Variants in CSMD1 observed in about 807,000 individuals in gnomAD.
The protein encoded by CSMD1 is CUB and sushi domain-containing protein 1.
Under a neutral mutation model 417.5 loss-of-function variants are expected in CSMD1, and 213 were observed. The ratio of observed to expected loss-of-function variants is 0.51; its 90% confidence interval spans 0.46 to 0.57. The LOEUF (loss-of-function observed/expected upper bound fraction) is 0.57. Ranked by LOEUF, CSMD1 falls within the 20% of genes least tolerant of loss-of-function variation. The pLI is 0.00. For synonymous variants in CSMD1, 2,862 were observed against 1,736.8 expected (o/e 1.65, Z -16.11); for missense variants, 6,923 against 4,529.7 (o/e 1.53, Z -15.17).
intron 12 of CSMD1, among the ~76,000 whole-genome samples, chr8:3,462,122 G>GCC (rs11292179): frequency 4.5e-4 from 67 of 149,506 alleles, no homozygotes; most frequent in Admixed American, 8.7e-4. Flanking sequence ...CAGAATCCAG[G>GCC]CCCCCCCCCC....
chr8:4,406,907 G>C (rs1192377340), intron 3 of CSMD1, among the ~76,000 whole-genome samples: 1 of 152,170 alleles, frequency 6.6e-6, no homozygotes, highest in African/African-American at 2.4e-5. Flanking sequence ...TGTGCATTGA[G>C]AAAGTGGGTT....
At chr8:3,147,657 T>C (rs1194093652) in intron 40 of CSMD1, among the ~76,000 whole-genome samples, 18 of 152,202 alleles carry the variant, frequency 1.2e-4, no homozygotes, top group Non-Finnish European at 2.2e-4. Flanking sequence ...TGTTACTTAG[T>C]GTTGCAAGTT....
chr8:4,202,843 G>C (rs1029753248), intron 3 of CSMD1, among the ~76,000 whole-genome samples: 7 of 152,302 alleles, frequency 4.6e-5, no homozygotes, highest in African/African-American at 1.7e-4. Flanking sequence ...GCTGAAACTT[G>C]AAACATCAAA....
intron 5 of CSMD1, among the ~76,000 whole-genome samples, chr8:3,878,958 T>C (rs898255586): frequency 1.2e-4 from 19 of 152,174 alleles, no homozygotes; most frequent in African/African-American, 4.6e-4. Context: ...TGACTAAGTT[T>C]TTAAAATCAT....
chr8:4,618,187 G>C (rs1801582299), intron 2 of CSMD1, among the ~76,000 whole-genome samples: 1 of 152,110 alleles, frequency 6.6e-6, no homozygotes, highest in Non-Finnish European at 1.5e-5. Flanking sequence ...AGATGTGCAT[G>C]TGACCAACAA....
intron 7 of CSMD1, among the ~76,000 whole-genome samples, chr8:3,707,533 C>G (rs1317652758): frequency 6.6e-6 from 1 of 152,190 alleles, no homozygotes; most frequent in African/African-American, 2.4e-5. Context: ...AGGAAGTCAA[C>G]CCACTTGGTA....
intron 1 of CSMD1, among the ~76,000 whole-genome samples, chr8:4,770,295 T>C (rs997445328): frequency 1.3e-5 from 2 of 148,274 alleles, no homozygotes; most frequent in African/African-American, 4.9e-5. Flanking sequence ...TATGGGAATA[T>C]ATATTATATA....
intron 6 of CSMD1, among the ~76,000 whole-genome samples, chr8:3,721,848 C>A (rs538457154): frequency 1.3e-5 from 2 of 152,052 alleles, no homozygotes; most frequent in African/African-American, 4.8e-5. Context: ...TTCTGAGAGG[C>A]GCTGTATGAA....
At chr8:4,361,853 G>C (rs962488504) in intron 3 of CSMD1, among the ~76,000 whole-genome samples, 6 of 152,102 alleles carry the variant, frequency 3.9e-5, no homozygotes, top group African/African-American at 9.7e-5. Context: ...TATTTGGGAG[G>C]CTAAGGCAGA....
rs1292466978 is a variant in CSMD1, at chr8:4,328,160, A to G, written c.415+91793T>C. On this transcript the variant is annotated intron_variant, in intron 3 of 69. Coordinates refer to ENST00000635120, the MANE Select transcript of CSMD1 (RefSeq NM_033225.6). ...AATACTCAAAGATGTTAAATGCCTC[A>G]TTCGAGGTCACATTATAAGACAGTA... Among the ~76,000 whole-genome samples, 3 of 152,082 alleles carry G rather than the reference A, an allele frequency of 2.0e-5. No homozygotes were observed. The East Asian group carries it at 5.8e-4, about 29-fold the overall frequency.
intron 41 of CSMD1, among the ~76,000 whole-genome samples, chr8:3,119,426 C>G (rs1817066380): frequency 2.1e-5 from 3 of 145,560 alleles, no homozygotes; most frequent in South Asian, 2.2e-4. Context: ...TGTATAATCC[C>G]TAAGCTGACA....
At chr8:3,866,233 C>T (rs1450156827) in intron 5 of CSMD1, among the ~76,000 whole-genome samples, 1 of 152,138 alleles carries the variant, frequency 6.6e-6, no homozygotes, top group East Asian at 1.9e-4. Flanking sequence ...TTTGTTGCCA[C>T]AGATTTTGAA....
At chr8:4,402,026 C>T (rs1162347510) in intron 3 of CSMD1, among the ~76,000 whole-genome samples, 1 of 152,104 alleles carries the variant, frequency 6.6e-6, no homozygotes, top group Non-Finnish European at 1.5e-5. Context: ...TGTTATAATT[C>T]GTGGTGACTT....
At chr8:4,684,819 A>T (rs894505638) in intron 1 of CSMD1, among the ~76,000 whole-genome samples, 3 of 152,214 alleles carry the variant, frequency 2.0e-5, no homozygotes, top group Admixed American at 1.3e-4. Context: ...TAAAAAAGAG[A>T]TAGCTTATTC....
chr8:4,890,935 G>A (rs146126023), intron 1 of CSMD1, among the ~76,000 whole-genome samples: 48 of 152,186 alleles, frequency 3.2e-4, no homozygotes, highest in Admixed American at 1.0e-3. Context: ...AAACGCAAAG[G>A]CAGAGAATCC....
intron 62 of CSMD1, among the ~76,000 whole-genome samples, chr8:2,958,368 C>T (rs1014812497): frequency 2.0e-5 from 3 of 152,214 alleles, no homozygotes; most frequent in Admixed American, 1.3e-4. Context: ...TGCACATCCG[C>T]TGCAGATTCT....
chr8:4,195,789 T>C lies in CSMD1; in HGVS notation c.416-163690A>G, dbSNP rs533137739. Among the ~76,000 whole-genome samples, 3 of 152,212 alleles carry C rather than the reference T, an allele frequency of 2.0e-5. No individual in the cohort carries two copies. The East Asian group carries it at 5.8e-4, about 30-fold the overall frequency. On this transcript the variant is annotated intron_variant, in intron 3 of 69. Coordinates refer to ENST00000635120, the MANE Select transcript of CSMD1 (RefSeq NM_033225.6). ...TAGTGGATTCTGCACACAACCTGAA[T>C]GAGCTTGGATGCACAGTCCTGCCCT...
intron 1 of CSMD1, among the ~76,000 whole-genome samples, chr8:4,964,596 G>C (rs948387744): frequency 1.3e-4 from 20 of 150,984 alleles, no homozygotes; most frequent in Admixed American, 1.2e-3. Flanking sequence ...AGAAGGACTG[G>C]AGTTAATCAA....
At chr8:3,772,244 G>A (rs1427369240) in intron 5 of CSMD1, among the ~76,000 whole-genome samples, 1 of 57,128 alleles carries the variant, frequency 1.8e-5, no homozygotes, top group Non-Finnish European at 3.9e-5. Context: ...TTTATATATA[G>A]ATATATACAT....
Sources: allele counts gnomAD v4.1 joint callset (sites outside exome capture counted in the v4.1 genomes callset), GRCh38; gene constraint gnomAD v4.1.1; transcripts MANE v1.5; gene names NCBI Gene and HGNC (gene_info 2026-07-23, HGNC 2026-07-21).